The following SCN2A variants were observed in gnomAD, a reference collection of about 807,000 sequenced individuals.
SCN2A encodes sodium channel protein type 2 subunit alpha.
In SCN2A, 20 loss-of-function variants were observed where a neutral mutation model predicts 188.7. The observed-to-expected ratio is 0.11, with a 90% CI of 0.07 to 0.15. The LOEUF is 0.15. Among genes scored for constraint, SCN2A ranks in the 10% least tolerant of loss-of-function variants. The probability of loss-of-function intolerance (pLI) is 1.00; values close to 1 mark genes in which losing one functional copy is unlikely to be tolerated. For synonymous variants in SCN2A, 804 were observed against 833.1 expected (o/e 0.97, Z 0.60); for missense variants, 1,278 against 2,445.0 (o/e 0.52, Z 10.07).
chr2:165,293,755 C>A, intron 1 of SCN2A: 1 of 839,054 alleles, frequency 1.2e-6, no homozygotes, highest in Non-Finnish European at 1.4e-6. Context: ...AAAATTAACA[C>A]TTAAAATCAA....
At chr2:165,353,359 G>T (rs556800189) in intron 16 of SCN2A, among the ~76,000 whole-genome samples, 1 of 152,060 alleles carries the variant, frequency 6.6e-6, no homozygotes, top group Admixed American at 6.6e-5. Context: ...TACAAAAAAT[G>T]GTACAAAGGC....
At chr2:165,323,035 TC>T in intron 11 of SCN2A, 120 bp from the exon 12 acceptor site, 1 of 950,658 alleles carries the variant, frequency 1.1e-6, no homozygotes, top group Non-Finnish European at 1.6e-6. Flanking sequence ...CTTCCACATG[TC>T]CAATGACTTA....
intron 13 of SCN2A, among the ~76,000 whole-genome samples, chr2:165,330,042 T>C (rs1698594333): frequency 6.6e-6 from 1 of 152,198 alleles, no homozygotes; most frequent in Admixed American, 6.5e-5. Flanking sequence ...AAATGTTGAT[T>C]AGTAGAAGAA....
intron 8 of SCN2A, 72 bp from the exon 9 acceptor site, chr2:165,313,548 T>C: frequency 1.3e-6 from 2 of 1,573,280 alleles, no homozygotes; most frequent in East Asian, 2.2e-5. Context: ...CATTGGCATA[T>C]ATTAAAACAG....
chr2:165,352,917 A>G (rs1255001399), intron 16 of SCN2A, among the ~76,000 whole-genome samples: 1 of 152,016 alleles, frequency 6.6e-6, no homozygotes, highest in African/African-American at 2.4e-5. Flanking sequence ...CTTTACTGCT[A>G]TATCTTTCTT....
At chr2:165,386,486 A>G (rs1466674965) in intron 25 of SCN2A, among the ~76,000 whole-genome samples, 2 of 151,988 alleles carry the variant, frequency 1.3e-5, no homozygotes, top group Non-Finnish European at 2.9e-5. Flanking sequence ...AAATTAAAAA[A>G]AAGAGAGAGA....
intron 1 of SCN2A, among the ~76,000 whole-genome samples, chr2:165,262,807 G>T (rs957628372): frequency 6.6e-6 from 1 of 151,832 alleles, no homozygotes; most frequent in South Asian, 2.1e-4. Flanking sequence ...TCTACTTTTC[G>T]TTCTTAAGAA....
intron 21 of SCN2A, among the ~76,000 whole-genome samples, chr2:165,373,949 C>G (rs992804414): frequency 6.6e-6 from 1 of 151,896 alleles, no homozygotes; most frequent in Non-Finnish European, 1.5e-5. Flanking sequence ...GTTGTTTTAG[C>G]TGGTTCAAAG....
intron 1 of SCN2A, among the ~76,000 whole-genome samples, chr2:165,243,307 A>G (rs914713004): frequency 2.0e-5 from 3 of 151,970 alleles, no homozygotes; most frequent in Non-Finnish European, 4.4e-5. Flanking sequence ...TTGTGTAGAG[A>G]GAGTCAATGT....
In SCN2A at chr2:165,259,335, A is replaced by G. The variant is rs71426750; in HGVS notation, c.-52+19695A>G. On this transcript the variant is annotated intron_variant, in intron 1 of 26. Transcript: ENST00000375437. ...AGTGGCTGTGGCAACTTCTTAAAATAAGACTACAATGAAGTTTGTTGCATT... is the reference window on the plus strand; with the variant it reads ...AGTGGCTGTGGCAACTTCTTAAAATGAGACTACAATGAAGTTTGTTGCATT... 2.5e-3 allele frequency among the ~76,000 whole-genome samples: 379 copies of G among 152,282 alleles called. 2 individuals carry two copies. The highest frequency in any genetic ancestry group is 4.2e-3 in the Admixed American group (65 of 15,300).
chr2:165,281,276 G>T (rs970229800), intron 1 of SCN2A, among the ~76,000 whole-genome samples: 1 of 152,038 alleles, frequency 6.6e-6, no homozygotes, highest in Non-Finnish European at 1.5e-5. Context: ...GGAAGGAGAT[G>T]TGGTTAGAGT....
At chr2:165,315,445 CT>C in intron 10 of SCN2A, 25 bp from the exon 11 acceptor site, 1 of 1,613,200 alleles carries the variant, frequency 6.2e-7, no homozygotes, top group Non-Finnish European at 8.5e-7. Context: ...TTATATGCAA[CT>C]TCCACATACT....
Position 165,390,220 on chromosome 2 carries a change from A to G in SCN2A, c.*396A>G. 1 of 206,416 alleles carries G rather than the reference A, an allele frequency of 4.8e-6. No individual in the cohort carries two copies. The highest frequency in any genetic ancestry group is 9.9e-6 in the Non-Finnish European group (1 of 100,740). 12.8% of individuals were successfully genotyped at this position (206,416 alleles called of 1,614,324 possible). A position where few individuals can be genotyped will look rare whatever the true frequency, so the allele number is the denominator to read the frequency against. ...GCCACACCTGCCATATTTTTACAAA[A>G]CGTGTGCTGTGAATTTATCACTTTT... On this transcript the variant is annotated 3_prime_UTR_variant, in exon 27 of 27. Coordinates refer to ENST00000375437, the MANE Select transcript of SCN2A (RefSeq NM_001040142.2).
intron 1 of SCN2A, among the ~76,000 whole-genome samples, chr2:165,292,267 T>C (rs1696253968): frequency 6.6e-5 from 10 of 152,230 alleles, no homozygotes; most frequent in African/African-American, 2.4e-5. Flanking sequence ...GTGACTAAAA[T>C]ATTATTTTGG....
chr2:165,293,045 G>T (rs1370593357), intron 1 of SCN2A, among the ~76,000 whole-genome samples: 1 of 152,150 alleles, frequency 6.6e-6, no homozygotes, highest in African/African-American at 2.4e-5. Flanking sequence ...GTGTCTCACT[G>T]GGTTAATATT....
At chr2:165,363,676 A>G (rs1460659523) in intron 17 of SCN2A, among the ~76,000 whole-genome samples, 2 of 152,192 alleles carry the variant, frequency 1.3e-5, no homozygotes, top group Non-Finnish European at 2.9e-5. Flanking sequence ...AAATATATTC[A>G]AATTTTAATG....
intron 1 of SCN2A, among the ~76,000 whole-genome samples, chr2:165,244,582 TTAAGTA>T (rs1436009741): frequency 6.6e-6 from 1 of 152,186 alleles, no homozygotes; most frequent in East Asian, 1.9e-4. Context: ...TCAAAGGTAT[TTAAGTA>T]TATTTTATTT....
chr2:165,326,676 T>C (rs2105283931), intron 12 of SCN2A, among the ~76,000 whole-genome samples, 176 bp from the exon 13 acceptor site: 1 of 152,214 alleles, frequency 6.6e-6, no homozygotes, highest in Admixed American at 6.5e-5. Flanking sequence ...AAGCTGAAAA[T>C]CTGACAGACT....
chr2:165,286,253 T>A (rs979622221), intron 1 of SCN2A, among the ~76,000 whole-genome samples: 1 of 152,150 alleles, frequency 6.6e-6, no homozygotes, highest in Non-Finnish European at 1.5e-5. Context: ...CAGAGCAACA[T>A]TAACATCTGG....
Sources: gnomAD v4.1 joint callset for allele counts (sites outside exome capture counted in the v4.1 genomes callset) on GRCh38, gnomAD v4.1.1 for gene constraint, MANE v1.5 for transcripts, NCBI Gene and HGNC (gene_info 2026-07-23, HGNC 2026-07-21) for gene names.